FYB2: variants seen among roughly 807,000 people sequenced by gnomAD.
FYB2 encodes FYN binding protein 2, also known as FYN-binding protein 2.
A neutral mutation model predicts 94.1 loss-of-function variants in FYB2; 103 were observed. That is an observed-to-expected ratio of 1.09 (90% confidence interval 0.93 to 1.29). The LOEUF (loss-of-function observed/expected upper bound fraction) is 1.29. Among genes scored for constraint, FYB2 ranks in the 50% most tolerant of loss-of-function variants. The pLI is 0.00. For synonymous variants in FYB2, 293 were observed against 287.9 expected (o/e 1.02, Z -0.18); for missense variants, 896 against 841.5 (o/e 1.06, Z -0.80).
At chr1:56,751,224 G>T (rs771389775) in intron 8 of FYB2, 21 bp from the exon 9 acceptor site, 112 of 1,610,318 alleles carry the variant, frequency 7.0e-5, no homozygotes, top group Non-Finnish European at 9.0e-5. Flanking sequence ...GCAAAAGGGA[G>T]AATACTGTAG....
At chr1:56,740,646 T>C in intron 13 of FYB2, 51 bp downstream of exon 13, 1 of 1,086,876 alleles carries the variant, frequency 9.2e-7, no homozygotes, top group Non-Finnish European at 1.4e-6. Context: ...TCAACTTGTG[T>C]ATCTACCAGG....
rs768775457 is a variant in FYB2, at chr1:56,787,198, T to C, written c.930A>G (p.Glu310=). 42 of 1,613,950 alleles carry C rather than the reference T, an allele frequency of 2.6e-5. No homozygotes were observed. Among genetic ancestry groups the C allele is most frequent in the Admixed American group, 2.2e-4 (13 of 60,008 alleles). ...ACCTCTCTGGAGACAGGGAGCCCTC[T>C]TCCACAGTCACTGCAAGAGAAAGAG... ...VPKTQGEVTV[E]EGSLSPERLF... Residue 310 remains glutamate (E), a synonymous_variant, in exon 4 of 20, where the codon GAA becomes GAG. Transcript: ENST00000343433.
chr1:56,795,175 C>T (rs1260649146), intron 1 of FYB2, among the ~76,000 whole-genome samples: 4 of 152,020 alleles, frequency 2.6e-5, no homozygotes, highest in Admixed American at 6.6e-5. Flanking sequence ...TCTCATTCTA[C>T]ACTCTGTCTC....
chr1:56,737,199 A>C (rs6656021), intron 14 of FYB2, 52 bp from the exon 15 acceptor site: 1 of 1,389,132 alleles, frequency 7.2e-7, no homozygotes, highest in Non-Finnish European at 1.0e-6. Context: ...GGTTTATATA[A>C]GCACTGACTT....
Position 56,719,306 on chromosome 1 carries a change from CTAA to C in FYB2, c.*362_*364del. On this transcript the variant is annotated 3_prime_UTR_variant, in exon 20 of 20. Transcript: ENST00000343433. ...TCTAGAAATTACAAATGCTCATATA[CTAA>C]TATTAGAAGCAAACTAACCATCTGC... 1 of 187,454 alleles carries C rather than the reference CTAA, an allele frequency of 5.3e-6. No individual in the cohort carries two copies. Among genetic ancestry groups the C allele is most frequent in the Non-Finnish European group, 1.1e-5 (1 of 90,416 alleles). 11.6% of individuals were successfully genotyped at this position (187,454 alleles called of 1,614,324 possible).
intron 1 of FYB2, among the ~76,000 whole-genome samples, chr1:56,795,127 A>G (rs2100993910): frequency 6.6e-6 from 1 of 152,032 alleles, no homozygotes; most frequent in South Asian, 2.1e-4. Context: ...TTGCAAAAAT[A>G]AAACTCCATA....
In FYB2 at chr1:56,720,299, C is replaced by G. The variant is rs961467447; in HGVS notation, c.2005G>C (p.Ala669Pro). The change falls in exon 18 of 20, where the codon GCA (alanine) becomes CCA (proline). Residue 669 changes from alanine to proline, a missense_variant. Ala to Pro is a conservative substitution (Grantham distance 27). Transcript: ENST00000343433. ...YDKEIIVINT[A>P]VACSNNSRNG... is the part of the protein sequence containing the mutation. ...CTTGAATTATTGGAACAGGCCACTG[C>G]TGTATTGATGACAATAATCTCTTTG... 6.2e-7 allele frequency: 1 copy of G among 1,609,424 alleles called. No homozygotes were observed. The highest frequency in any genetic ancestry group is 8.5e-7 in the Non-Finnish European group (1 of 1,178,114).
At chr1:56,723,530 TA>T in intron 17 of FYB2, 57 bp downstream of exon 17, 2 of 1,003,662 alleles carry the variant, frequency 2.0e-6, no homozygotes, top group Non-Finnish European at 2.9e-6. Context: ...ATTTTTTTTT[TA>T]AATGAAAGCT....
rs763108177 is a variant in FYB2, at chr1:56,753,926, A to T, written c.1140T>A (p.His380Gln). The change falls in exon 8 of 20, where the codon CAT (histidine) becomes CAA (glutamine). Residue 380 changes from histidine (H) to glutamine (Q), a missense_variant. Coordinates refer to ENST00000343433, the MANE Select transcript of FYB2 (RefSeq NM_001004303.5). The part of the protein sequence containing the change: ...NFPYPEPSAK[H>Q]EDKKMKEKQP... ...GTTTTTCCTTCATTTTTTTATCTTC[A>T]TGTTTAGCACTGAAATGTGAAGAGA... 2 of 1,599,258 alleles carry T rather than the reference A, an allele frequency of 1.3e-6. No homozygotes were observed. The highest frequency in any genetic ancestry group is 1.7e-6 in the Non-Finnish European group (2 of 1,171,286).
At chr1:56,764,243 C>A (rs765177450) in intron 5 of FYB2, among the ~76,000 whole-genome samples, 20 of 152,018 alleles carry the variant, frequency 1.3e-4, no homozygotes, top group Admixed American at 5.2e-4. Context: ...TGTGAGGCAC[C>A]GCTCCTGACC....
chr1:56,782,490 A>T (rs1044499166), intron 4 of FYB2, among the ~76,000 whole-genome samples: 1 of 152,006 alleles, frequency 6.6e-6, no homozygotes, highest in African/African-American at 2.4e-5. Flanking sequence ...GGTCCTAGAG[A>T]CAGTCACATG....
intron 5 of FYB2, among the ~76,000 whole-genome samples, chr1:56,763,766 A>AT (rs1645556614): frequency 6.7e-6 from 1 of 149,424 alleles, no homozygotes; most frequent in Non-Finnish European, 1.5e-5. Context: ...AATTCCACTG[A>AT]TTTTCTCTAT....
intron 4 of FYB2, among the ~76,000 whole-genome samples, chr1:56,776,113 C>A (rs892352527): frequency 3.3e-5 from 5 of 152,028 alleles, no homozygotes; most frequent in African/African-American, 1.2e-4. Flanking sequence ...CTCTCCTCTG[C>A]ACTACAAGTC....
At chr1:56,733,964 T>C (rs1405214729) in intron 15 of FYB2, among the ~76,000 whole-genome samples, 1 of 152,178 alleles carries the variant, frequency 6.6e-6, no homozygotes, top group East Asian at 1.9e-4. Flanking sequence ...GTCCTGGATA[T>C]CTTTTTTAAC....
chr1:56,736,619 T>C (rs1462835747), intron 15 of FYB2, among the ~76,000 whole-genome samples: 1 of 151,908 alleles, frequency 6.6e-6, no homozygotes, highest in Non-Finnish European at 1.5e-5. Flanking sequence ...TTTTGCCATG[T>C]TTCTCAGGCT....
chr1:56,763,786 TTTTCA>T (rs1007674945), intron 5 of FYB2, among the ~76,000 whole-genome samples: 6 of 152,216 alleles, frequency 3.9e-5, no homozygotes, highest in East Asian at 1.9e-4. Flanking sequence ...TTGTTTTTTG[TTTTCA>T]TTTCATTTCA....
chr1:56,788,724 C>T (rs1646187425), intron 3 of FYB2, among the ~76,000 whole-genome samples: 1 of 152,222 alleles, frequency 6.6e-6, no homozygotes, highest in Non-Finnish European at 1.5e-5. Context: ...TTTTCTTCCT[C>T]TTGGACAGAT....
At chr1:56,798,338 T>C (rs902157943) in intron 1 of FYB2, among the ~76,000 whole-genome samples, 1 of 152,178 alleles carries the variant, frequency 6.6e-6, no homozygotes, top group East Asian at 1.9e-4. Flanking sequence ...ATCTGGGAAG[T>C]ACAGGCCAAA....
intron 1 of FYB2, among the ~76,000 whole-genome samples, chr1:56,805,040 T>C (rs1646611147): frequency 6.6e-6 from 1 of 152,210 alleles, no homozygotes; most frequent in African/African-American, 2.4e-5. Flanking sequence ...TTTGAGATTT[T>C]TTAGCTGAGT....
Sources: allele counts gnomAD v4.1 joint callset (sites outside exome capture counted in the v4.1 genomes callset), GRCh38; gene constraint gnomAD v4.1.1; transcripts MANE v1.5; gene names NCBI Gene and HGNC (gene_info 2026-07-23, HGNC 2026-07-21).